The following RYR2 variants were observed in gnomAD, a reference collection of about 807,000 sequenced individuals.
RYR2 encodes the protein cardiac muscle ryanodine receptor-calcium release channel.
A neutral mutation model predicts 601.1 loss-of-function variants in RYR2; 227 were observed. The observed-to-expected ratio is 0.38, with a 90% CI of 0.34 to 0.42. The LOEUF (loss-of-function observed/expected upper bound fraction) is 0.42, where lower values mean the gene tolerates loss of function less well. RYR2 is among the 10% of genes least tolerant of loss of function. RYR2 has a pLI of 1.00. For missense variants in RYR2, 4,646 were observed against 6,156.5 expected, an observed-to-expected ratio of 0.75 and a Z score of 8.21; for synonymous variants, 2,223 against 2,175.1, an observed-to-expected ratio of 1.02 and a Z score of -0.61.
At chr1:237,623,981 G>C in intron 39 of RYR2, 111 bp downstream of exon 39, 1 of 691,550 alleles carries the variant, frequency 1.4e-6, no homozygotes, top group Non-Finnish European at 2.5e-6. Context: ...CACGATACCT[G>C]TTAGAAAGTT....
intron 25 of RYR2, among the ~76,000 whole-genome samples, chr1:237,538,863 G>A (rs921237735): frequency 2.6e-5 from 4 of 152,282 alleles, no homozygotes; most frequent in African/African-American, 9.6e-5. Flanking sequence ...CCAGGGGGAC[G>A]AGTTTTAAAG....
At chr1:237,443,895 C>G (rs1287755521) in intron 13 of RYR2, among the ~76,000 whole-genome samples, 1 of 152,138 alleles carries the variant, frequency 6.6e-6, no homozygotes, top group Non-Finnish European at 1.5e-5. Context: ...CCTGTGAAAC[C>G]AGCTGGTCCT....
At chr1:237,069,309 G>A (rs911445644) in intron 1 of RYR2, among the ~76,000 whole-genome samples, 1 of 151,958 alleles carries the variant, frequency 6.6e-6, no homozygotes, top group African/African-American at 2.4e-5. Context: ...TTTTCAAAAG[G>A]TAATTTTGAA....
chr1:237,565,426 C>T (rs1172207589), intron 27 of RYR2, among the ~76,000 whole-genome samples: 1 of 151,952 alleles, frequency 6.6e-6, no homozygotes, highest in Non-Finnish European at 1.5e-5. Flanking sequence ...ACTACCATGT[C>T]TGGCTGAATT....
intron 2 of RYR2, among the ~76,000 whole-genome samples, chr1:237,314,714 A>G (rs758608136): frequency 6.7e-4 from 102 of 152,312 alleles, no homozygotes; most frequent in Middle Eastern, 3.4e-3. Flanking sequence ...AGTCCGTGAT[A>G]TATTATATTG....
intron 56 of RYR2, among the ~76,000 whole-genome samples, chr1:237,661,434 G>A (rs958277994): frequency 3.9e-5 from 6 of 152,002 alleles, no homozygotes; most frequent in South Asian, 4.1e-4. Flanking sequence ...ATTGTGGCAC[G>A]TGTATACCTA....
At chr1:237,825,363 C>T (rs561499646) in intron 101 of RYR2, among the ~76,000 whole-genome samples, 13 of 152,232 alleles carry the variant, frequency 8.5e-5, no homozygotes, top group African/African-American at 2.9e-4. Flanking sequence ...TAACACCACA[C>T]ATCTACAACT....
At chr1:237,075,400 C>T (rs934834404) in intron 1 of RYR2, among the ~76,000 whole-genome samples, 8 of 144,392 alleles carry the variant, frequency 5.5e-5, no homozygotes, top group South Asian at 4.6e-4. Context: ...AGACAGTGGG[C>T]GCAGGCCAGT....
intron 1 of RYR2, among the ~76,000 whole-genome samples, chr1:237,262,198 C>T (rs1688591080): frequency 6.8e-6 from 1 of 146,956 alleles, no homozygotes. Context: ...ATCCAGTACT[C>T]CAGTTCTGGC....
chr1:237,556,898 A>C (rs1262291244), intron 27 of RYR2, among the ~76,000 whole-genome samples: 3 of 136,082 alleles, frequency 2.2e-5, no homozygotes, highest in Non-Finnish European at 4.8e-5. Flanking sequence ...AAAAAAAAAA[A>C]AAAAAAAAAA....
chr1:237,743,630 C>CTA (rs956159224), intron 80 of RYR2: 4 of 518,634 alleles, frequency 7.7e-6, no homozygotes, highest in Admixed American at 5.8e-5. Context: ...CAAGGTAAAA[C>CTA]TATATATATG....
chr1:237,128,641 A>G (rs189440972), intron 1 of RYR2, among the ~76,000 whole-genome samples: 7 of 152,308 alleles, frequency 4.6e-5, no homozygotes, highest in Admixed American at 1.3e-4. Context: ...GAAGAGTGAC[A>G]TGATCTCAGT....
chr1:237,558,848 T>C (rs1671169685), intron 27 of RYR2, among the ~76,000 whole-genome samples: 1 of 152,178 alleles, frequency 6.6e-6, no homozygotes, highest in Admixed American at 6.5e-5. Flanking sequence ...TTCAAGTTCA[T>C]TGATTCTTGT....
intron 100 of RYR2, among the ~76,000 whole-genome samples, chr1:237,811,912 T>C (rs1020927092): frequency 3.9e-5 from 6 of 152,226 alleles, no homozygotes; most frequent in Non-Finnish European, 5.9e-5. Flanking sequence ...ATGTTCATGG[T>C]TGTTCATCCA....
intron 1 of RYR2, among the ~76,000 whole-genome samples, chr1:237,203,438 T>C (rs1217823014): frequency 6.6e-6 from 1 of 152,194 alleles, no homozygotes; most frequent in Non-Finnish European, 1.5e-5. Context: ...GAGTATATAT[T>C]GGATCATTAT....
intron 1 of RYR2, among the ~76,000 whole-genome samples, chr1:237,235,760 T>G (rs1289651798): frequency 1.3e-5 from 2 of 152,236 alleles, no homozygotes; most frequent in African/African-American, 4.8e-5. Context: ...GGAGATACTG[T>G]CCCCTCATCC....
At chr1:237,383,487 G>T (rs1445733551) in intron 8 of RYR2, among the ~76,000 whole-genome samples, 5 of 141,532 alleles carry the variant, frequency 3.5e-5, no homozygotes, top group South Asian at 4.6e-4. Context: ...TGGAGTACAG[G>T]GGCACGATCT....
intron 71 of RYR2, among the ~76,000 whole-genome samples, chr1:237,715,811 C>A (rs1689222715): frequency 6.6e-6 from 1 of 152,084 alleles, no homozygotes; most frequent in South Asian, 2.1e-4. Flanking sequence ...TAATTTATAT[C>A]AATTTGCTTA....
chr1:237,517,883 C>T (rs1278969002), intron 24 of RYR2, among the ~76,000 whole-genome samples: 3 of 152,136 alleles, frequency 2.0e-5, no homozygotes, highest in African/African-American at 7.2e-5. Context: ...ATAACATTCT[C>T]AGATGCCAAC....
Sources: gnomAD v4.1 joint callset for allele counts (sites outside exome capture counted in the v4.1 genomes callset) on GRCh38, gnomAD v4.1.1 for gene constraint, MANE v1.5 for transcripts, NCBI Gene and HGNC (gene_info 2026-07-23, HGNC 2026-07-21) for gene names.